Variants in PARP12 observed in about 807,000 individuals in gnomAD.
The protein encoded by PARP12 is protein mono-ADP-ribosyltransferase PARP12.
Under a neutral mutation model 72.4 loss-of-function variants are expected in PARP12, and 59 were observed. That is an observed-to-expected ratio of 0.81 (90% confidence interval 0.66 to 1.01). The LOEUF (loss-of-function observed/expected upper bound fraction) is 1.01, where lower values mean the gene tolerates loss of function less well. Ranked by LOEUF, PARP12 falls within the 50% of genes least tolerant of loss-of-function variation. PARP12 has a pLI of 0.00. For missense variants in PARP12, 851 were observed against 914.0 expected (o/e 0.93, Z 0.89); for synonymous variants, 403 against 371.4 (o/e 1.09, Z -0.98).
chr7:140,027,357 A>G lies in PARP12; in HGVS notation c.1547T>C (p.Leu516Pro). ...SSEEYQKVWN[L>P]FNRTLPFYFV... ...GTAGAAAGGCAGCGTGCGGTTAAAG[A>G]GGTTCCAGACCTTCTGATACTCTTC... The change falls in exon 10 of 12, where the codon CTC (leucine) becomes CCC (proline). Residue 516 changes from leucine to proline, a missense_variant. Physicochemically the swap from Leu to Pro is moderately conservative, Grantham distance 98 (BLOSUM62 -3). This residue lies in a region of PARP12 where 347 missense variants were observed against 396.1 expected (regional missense o/e 0.88). Coordinates refer to ENST00000263549, the MANE Select transcript of PARP12 (RefSeq NM_022750.4). 1.2e-6 allele frequency: 2 copies of G among 1,614,124 alleles called. No individual in the cohort carries two copies. Among genetic ancestry groups the G allele is most frequent in the Non-Finnish European group, 1.7e-6 (2 of 1,179,982 alleles).
At chr7:140,047,043 C>A in intron 4 of PARP12, 36 bp from the exon 5 acceptor site, 1 of 1,584,396 alleles carries the variant, frequency 6.3e-7, no homozygotes, top group Non-Finnish European at 8.6e-7. Flanking sequence ...GATAGCTGGG[C>A]AATACACAGC....
intron 7 of PARP12, among the ~76,000 whole-genome samples, chr7:140,035,091 A>G (rs1816097120): frequency 6.6e-6 from 1 of 152,170 alleles, no homozygotes; most frequent in Admixed American, 6.5e-5. Context: ...GTTTTCATTT[A>G]CAAAACATTT....
rs552715182 is a variant in PARP12, at chr7:140,036,406, T to A, written c.1324+1309A>T. Among the ~76,000 whole-genome samples, 6 of 152,282 alleles carry A rather than the reference T, an allele frequency of 3.9e-5. No individual in the cohort carries two copies. The South Asian group carries it at 1.2e-3, about 32-fold the overall frequency. ...TCATGCACTGGTGTGTGTCAGGCCG[T>A]GGAAAGCAAACCAGACCACACGTGG... On this transcript the variant is annotated intron_variant, in intron 7 of 11. Transcript: ENST00000263549.
At chr7:140,055,225 G>A (rs754540439) in intron 3 of PARP12, among the ~76,000 whole-genome samples, 23 of 152,040 alleles carry the variant, frequency 1.5e-4, no homozygotes, top group Non-Finnish European at 2.2e-4. Flanking sequence ...GCAAACAGAG[G>A]GCTAATTTTA....
At chr7:140,062,406 A>T in intron 1 of PARP12, 116 bp downstream of exon 1, 1 of 1,057,068 alleles carries the variant, frequency 9.5e-7, no homozygotes, top group East Asian at 3.1e-5. Context: ...GTGCGAGGTC[A>T]GGGCAGAGCC....
At chr7:140,037,356 G>A (rs1816247436) in intron 7 of PARP12, among the ~76,000 whole-genome samples, 1 of 152,232 alleles carries the variant, frequency 6.6e-6, no homozygotes, top group African/African-American at 2.4e-5. Flanking sequence ...TGCTGCAGCA[G>A]GGAGTGAAAG....
Position 140,024,706 on chromosome 7 carries a change from T to C in PARP12, c.1960A>G (p.Ser654Gly), listed in dbSNP as rs1254262650. 3 of 1,614,154 alleles carry C rather than the reference T, an allele frequency of 1.9e-6. No individual in the cohort carries two copies. Among genetic ancestry groups the C allele is most frequent in the Non-Finnish European group, 2.5e-6 (3 of 1,180,036 alleles). ...SNAFYDSCVN[S>G]VSDPSIFVIF... ...ACAAAGATGGAGGGGTCGGACACAC[T>C]GTTCACGCAGCTATCATAGAAGGCG... The change falls in exon 12 of 12, where the codon AGT becomes GGT. Residue 654 changes from serine (S) to glycine (G), a missense_variant. Ser to Gly is a moderately conservative substitution (Grantham distance 56). This residue lies in a region of PARP12 where 347 missense variants were observed against 396.1 expected (regional missense o/e 0.88). Transcript: ENST00000263549.
chr7:140,038,189 G>C (rs923646105), intron 6 of PARP12: 1 of 985,444 alleles, frequency 1.0e-6, no homozygotes, highest in East Asian at 1.1e-4. Flanking sequence ...CAGCAACAGC[G>C]ACTTCTGGAG....
chr7:140,035,941 G>C (rs879802126), intron 7 of PARP12, among the ~76,000 whole-genome samples: 9,443 of 106,370 alleles, frequency 0.089, 2,016 homozygotes, highest in East Asian at 0.18. Flanking sequence ...AGGAGGAGGA[G>C]GAGGAGGAGG....
intron 6 of PARP12, among the ~76,000 whole-genome samples, chr7:140,038,669 T>A (rs1008344801): frequency 2.0e-5 from 3 of 152,268 alleles, no homozygotes; most frequent in Non-Finnish European, 2.9e-5. Flanking sequence ...AAATTTGAGA[T>A]TACACTGACA....
chr7:140,041,915 T>C (rs370135996), intron 5 of PARP12, 76 bp from the exon 6 acceptor site: 12 of 1,246,138 alleles, frequency 9.6e-6, no homozygotes, highest in South Asian at 9.6e-5. Context: ...TGAGAACATA[T>C]AGCTGGGAGA....
chr7:140,057,217 T>C, intron 2 of PARP12, 64 bp from the exon 3 acceptor site: 2 of 1,479,694 alleles, frequency 1.4e-6, no homozygotes, highest in Non-Finnish European at 1.8e-6. Flanking sequence ...ACCTCCCCAG[T>C]GGCCAGTCCA....
In PARP12 at chr7:140,046,976, C is replaced by A; in HGVS notation, c.894G>T (p.Pro298=). 2 of 1,613,564 alleles carry A rather than the reference C, an allele frequency of 1.2e-6. No individual in the cohort carries two copies. The highest frequency in any genetic ancestry group is 1.7e-6 in the Non-Finnish European group (2 of 1,179,812). ...DKCHRVHFHL[P]YRWQFLDRGK... ...CTCTATCCAAGAATTGCCATCGATA[C>A]GGCAAATGGAAATGAACTCTATGGC... Residue 298 remains proline, a synonymous_variant, in exon 5 of 12, where the codon CCG becomes CCT. Transcript: ENST00000263549.
intron 7 of PARP12, among the ~76,000 whole-genome samples, chr7:140,037,423 C>T (rs1364996961): frequency 6.6e-6 from 1 of 152,246 alleles, no homozygotes; most frequent in Non-Finnish European, 1.5e-5. Flanking sequence ...GGTTAGTCCT[C>T]GGATACAGCA....
At position 140,024,175 on chromosome 7, in the gene PARP12, T is replaced by C. The variant is rs1456680682; in HGVS notation, c.*385A>G. ...CTACTGTGTCATTCTGGAAAAACTA[T>C]GATGCCATGAGACTCTGAGAAACCG... On this transcript the variant is annotated 3_prime_UTR_variant, in exon 12 of 12. Transcript: ENST00000263549. 2 of 304,654 alleles carry C rather than the reference T, an allele frequency of 6.6e-6. No individual in the cohort carries two copies. Among genetic ancestry groups the C allele is most frequent in the Admixed American group, 4.7e-5 (1 of 21,076 alleles). The allele number at this position is 304,654 out of a possible 1,614,324, so 18.9% of individuals were successfully genotyped here.
rs368570603 is a variant in PARP12, at chr7:140,048,337, G to A, written c.863-1330C>T. Among the ~76,000 whole-genome samples, 19 of 151,978 alleles carry A rather than the reference G, an allele frequency of 1.3e-4. No individual in the cohort carries two copies. The East Asian group carries it at 1.4e-3, about 11-fold the overall frequency. On this transcript the variant is annotated intron_variant, in intron 4 of 11. Coordinates refer to ENST00000263549, the MANE Select transcript of PARP12 (RefSeq NM_022750.4). ...ACTTCTCTCATCACTCCAAGCACAC[G>A]CTGCCTGCCCTGTCTTTGCTGGTGC...
chr7:140,037,756 T>G lies in PARP12; in HGVS notation c.1283A>C (p.Lys428Thr). Residue 428 changes from lysine to threonine, a missense_variant, in exon 7 of 12, where the codon AAG becomes ACG. Lys to Thr is a moderately conservative substitution (Grantham distance 78). Coordinates refer to ENST00000263549, the MANE Select transcript of PARP12 (RefSeq NM_022750.4). Reference protein sequence around the residue: ...PGSDGQAATLKFQAGKHNYEL... With the variant: ...PGSDGQAATLTFQAGKHNYEL... ...GTAGTTGTGCTTTCCGGCCTGGAAC[T>G]TCAAGGTGGCTGCCTGGCCGTCAGA... 1 of 1,614,186 alleles carries G rather than the reference T, an allele frequency of 6.2e-7. No homozygotes were observed.
chr7:140,062,872 A>C lies in PARP12; in HGVS notation c.-25T>G. The C allele has an allele frequency of 8.0e-7, 1 of 1,255,408 alleles. No individual in the cohort carries two copies. The highest frequency in any genetic ancestry group is 1.0e-6 in the Non-Finnish European group (1 of 1,001,866). 77.8% of individuals were successfully genotyped at this position (1,255,408 alleles called of 1,614,324 possible). On this transcript the variant is annotated 5_prime_UTR_variant, in exon 1 of 12. Transcript: ENST00000263549. ...TGGCCGCTGGGCCTGCTCCCGTCGG[A>C]CCGCGGGTGGCGCGACGCGGACGGC...
intron 4 of PARP12, among the ~76,000 whole-genome samples, chr7:140,051,409 T>A (rs1040299297): frequency 1.3e-4 from 20 of 151,914 alleles, no homozygotes; most frequent in African/African-American, 4.3e-4. Flanking sequence ...TTTTTTTTTT[T>A]AGACAGAGTT....
Sources: allele counts gnomAD v4.1 joint callset (sites outside exome capture counted in the v4.1 genomes callset), GRCh38; gene constraint gnomAD v4.1.1; regional missense constraint gnomAD v4.1.1; transcripts MANE v1.5; gene names NCBI Gene and HGNC (gene_info 2026-07-23, HGNC 2026-07-21).